The following TRIOBP variants were observed in gnomAD, a reference collection of about 807,000 sequenced individuals.
TRIOBP encodes the protein TRIO and F-actin binding protein.
TRIOBP carries 169 observed loss-of-function variants against 238.8 expected under a neutral mutation model. The observed-to-expected ratio is 0.71, with a 90% CI of 0.62 to 0.80. The LOEUF (loss-of-function observed/expected upper bound fraction) is 0.80. Ranked by LOEUF, TRIOBP falls within the 30% of genes least tolerant of loss-of-function variation. TRIOBP has a pLI of 0.00. For missense variants in TRIOBP, 2,838 were observed against 3,122.6 expected (o/e 0.91, Z 2.17); for synonymous variants, 1,150 against 1,274.4 (o/e 0.90, Z 2.08).
At chr22:37,717,099 G>A (rs1208364868) in intron 6 of TRIOBP, among the ~76,000 whole-genome samples, 1 of 152,186 alleles carries the variant, frequency 6.6e-6, no homozygotes. Flanking sequence ...TGTGTTTGGA[G>A]TTTCTTCCTT....
intron 19 of TRIOBP, 30 bp from the exon 20 acceptor site, chr22:37,768,998 A>T: frequency 1.2e-6 from 2 of 1,612,730 alleles, no homozygotes; most frequent in Non-Finnish European, 1.7e-6. Context: ...AAGACAACCT[A>T]TGCTCTCCTC....
chr22:37,734,984 G>A lies in TRIOBP; in HGVS notation c.4648G>A (p.Gly1550Ser), dbSNP rs757499492. 7 of 1,613,226 alleles carry A rather than the reference G, an allele frequency of 4.3e-6. No homozygotes were observed. In the South Asian group the frequency reaches 6.6e-5, roughly 15 times the overall value. Residue 1550 changes from glycine (G) to serine (S), a missense_variant, in exon 9 of 24, where the codon GGC (glycine) becomes AGC (serine). Physicochemically the swap from Gly to Ser is moderately conservative, Grantham distance 56. This residue lies in a region of TRIOBP where 2,096 missense variants were observed against 2,137.4 expected (regional missense o/e 0.98). Transcript: ENST00000644935. ...AGAGGGAGCGTGTCCATACCCGCGT[G>A]GCTCTGAGAGGCGACCCGAGCTTGA... ...GAEGACPYPR[G>S]SERRPELDWR...
In TRIOBP at chr22:37,735,164, G is replaced by T; in HGVS notation, c.4828G>T (p.Gly1610Trp). The change falls in exon 9 of 24, where the codon GGG becomes TGG. Residue 1610 changes from glycine (G) to tryptophan (W), a missense_variant. Coordinates refer to ENST00000644935, the MANE Select transcript of TRIOBP (RefSeq NM_001039141.3). ...CAGGGATGACCTGGCCAGGGCTTTA[G>T]GGCCAGAGCTGGGTCCCCCAGGCAC... is the stretch of plus-strand genomic sequence containing the variant. ...GHRDDLARAL[G>W]PELGPPGTND... The T allele has an allele frequency of 1.2e-6, 2 of 1,609,772 alleles. No individual in the cohort carries two copies. The highest frequency in any genetic ancestry group is 8.5e-7 in the Non-Finnish European group (1 of 1,177,256).
In TRIOBP at chr22:37,738,667, C is replaced by T; in HGVS notation, c.5132C>T (p.Ser1711Leu). ...LQFQPEEPEESEPSRGQDPLT... is the reference protein window; with the variant it reads ...LQFQPEEPEELEPSRGQDPLT... Reference sequence around the variant, plus strand: ...TTCCAACCAGAGGAGCCTGAGGAGTCAGAACCAAGCAGAGGCCAAGACCCC... The same window carrying T: ...TTCCAACCAGAGGAGCCTGAGGAGTTAGAACCAAGCAGAGGCCAAGACCCC... Residue 1711 changes from serine to leucine, a missense_variant, in exon 10 of 24, where the codon TCA becomes TTA. Ser to Leu is a moderately radical substitution (Grantham distance 145, BLOSUM62 -2). Coordinates refer to ENST00000644935, the MANE Select transcript of TRIOBP (RefSeq NM_001039141.3). 6.2e-7 allele frequency: 1 copy of T among 1,613,820 alleles called. No homozygotes were observed. The highest frequency in any genetic ancestry group is 8.5e-7 in the Non-Finnish European group (1 of 1,179,944).
intron 9 of TRIOBP, among the ~76,000 whole-genome samples, chr22:37,737,155 C>T (rs1439252848): frequency 6.6e-6 from 1 of 152,102 alleles, no homozygotes; most frequent in Non-Finnish European, 1.5e-5. Context: ...TGCTGTGTCC[C>T]GGGGCATGCT....
Position 37,725,565 on chromosome 22 carries a change from C to A in TRIOBP, c.3009C>A (p.Pro1003=), listed in dbSNP as rs371468152. The A allele has an allele frequency of 6.2e-7, 1 of 1,613,698 alleles. No homozygotes were observed. Among genetic ancestry groups the A allele is most frequent in the Non-Finnish European group, 8.5e-7 (1 of 1,180,018 alleles). The change falls in exon 7 of 24, where the codon CCC becomes CCA. Residue 1003 remains proline (P), a synonymous_variant. Transcript: ENST00000644935. ...SPVYPAAYGA[P]LTSPEPSQPP... The stretch of plus-strand genomic sequence containing the variant: ...TGTACCCCGCTGCCTATGGGGCTCC[C>A]CTGACCTCTCCTGAGCCCTCCCAGC...
At position 37,735,425 on chromosome 22, in the gene TRIOBP, A is replaced by G. The variant is rs781064216; in HGVS notation, c.5089A>G (p.Ser1697Gly). ...LGSRSTAKGP[S>G]LPELQFQPEE... ...GAGCAGGAGCACTGCGAAGGGCCCCAGCTTGCCAGAGCTGCAGGTAAGGAG... is the reference window on the plus strand; with the variant it reads ...GAGCAGGAGCACTGCGAAGGGCCCCGGCTTGCCAGAGCTGCAGGTAAGGAG... Residue 1697 changes from serine (S) to glycine (G), a missense_variant, in exon 9 of 24, where the codon AGC becomes GGC. By Grantham distance (56) the Ser-to-Gly change is moderately conservative (BLOSUM62 0). Coordinates refer to ENST00000644935, the MANE Select transcript of TRIOBP (RefSeq NM_001039141.3). 2.2e-5 allele frequency: 34 copies of G among 1,568,260 alleles called. 1 individual carries two copies. In the South Asian group the frequency reaches 3.9e-4, roughly 18 times the overall value.
At chr22:37,726,695 G>A in intron 7 of TRIOBP, 192 bp downstream of exon 7, 2 of 611,028 alleles carry the variant, frequency 3.3e-6, no homozygotes, top group East Asian at 3.2e-5. Context: ...GTGTGTGTGT[G>A]TGGTTAAGTG....
In TRIOBP at chr22:37,713,394, A is replaced by T. The variant is rs1359337943; in HGVS notation, c.439A>T (p.Ser147Cys). 2 of 1,613,332 alleles carry T rather than the reference A, an allele frequency of 1.2e-6. No individual in the cohort carries two copies. Among genetic ancestry groups the T allele is most frequent in the African/African-American group, 2.7e-5 (2 of 74,922 alleles). The change falls in exon 5 of 24, where the codon AGC (serine) becomes TGC (cysteine). Residue 147 changes from serine to cysteine, a missense_variant. Ser to Cys is a moderately radical substitution (Grantham distance 112, BLOSUM62 -1). Transcript: ENST00000644935. ...SPDSATPDDT[S>C]NSSSVDWDTV... is the part of the protein sequence containing the mutation. ...TGACTCCGCCACCCCTGATGATACC[A>T]GCAACTCGTCCTCTGTGGTGAGCCA...
chr22:37,713,140 G>A (rs1475153765), intron 4 of TRIOBP, 70 bp from the exon 5 acceptor site: 3 of 1,394,008 alleles, frequency 2.2e-6, no homozygotes, highest in African/African-American at 1.4e-5. Flanking sequence ...GTGAGTGAGT[G>A]CATATGCCTG....
intron 11 of TRIOBP, among the ~76,000 whole-genome samples, chr22:37,747,264 C>G (rs928870155): frequency 6.6e-6 from 1 of 152,222 alleles, no homozygotes; most frequent in Non-Finnish European, 1.5e-5. Flanking sequence ...TAGCTCCTTT[C>G]CCTGTCCTTC....
chr22:37,750,955 T>C (rs1453427616), intron 11 of TRIOBP: 3 of 366,108 alleles, frequency 8.2e-6, no homozygotes, highest in Non-Finnish European at 1.7e-5. Flanking sequence ...GGCCACCTCC[T>C]CCCTGCCGGC....
At chr22:37,772,878 C>T (rs1926854051) in intron 23 of TRIOBP, 114 bp downstream of exon 23, 10 of 1,330,780 alleles carry the variant, frequency 7.5e-6, no homozygotes, top group East Asian at 4.7e-5. Context: ...CTCCAATTCC[C>T]GTTCTGTAAA....
rs977806634 is a variant in TRIOBP at position 37,721,415 on chromosome 22, CAG to C, written c.629-1769_629-1768del. Reference sequence around the variant, plus strand: ...AGGCAGTGGCTGCAAAGGGAGAGGACAGGGGATCTTAAGAAGGCGTGAAGGGA... The same window carrying C: ...AGGCAGTGGCTGCAAAGGGAGAGGACGGGATCTTAAGAAGGCGTGAAGGGA... On this transcript the variant is annotated intron_variant, in intron 6 of 23. Transcript: ENST00000644935. 1.3e-3 allele frequency among the ~76,000 whole-genome samples: 195 copies of C among 152,298 alleles called. 1 individual carries two copies. The highest frequency in any genetic ancestry group is 4.4e-3 in the African/African-American group (183 of 41,572).
At chr22:37,732,857 T>C (rs909174946) in intron 7 of TRIOBP, among the ~76,000 whole-genome samples, 1 of 152,266 alleles carries the variant, frequency 6.6e-6, no homozygotes, top group African/African-American at 2.4e-5. Flanking sequence ...TGCTTTGTCA[T>C]AATGATTATG....
Position 37,757,799 on chromosome 22 carries a change from G to GGCCCGCACCCCA in TRIOBP, c.5883_5894dup (p.Ala1963_Pro1966dup), listed in dbSNP as rs1569057949. The GGCCCGCACCCCA allele has an allele frequency of 6.5e-7, 1 of 1,547,918 alleles. No individual in the cohort carries two copies. The highest frequency in any genetic ancestry group is 1.2e-5 in the South Asian group (1 of 84,114). On this transcript the variant is annotated inframe_insertion, in exon 16 of 24. Coordinates refer to ENST00000644935, the MANE Select transcript of TRIOBP (RefSeq NM_001039141.3). ...CGCTGACCCAGGCTTCCCCGCAGCG[G>GGCCCGCACCCCA]GCCCGCACCCCAGCCCGCACTCCTG... is the stretch of plus-strand genomic sequence containing the variant.
chr22:37,710,784 C>G (rs919794042), intron 4 of TRIOBP, among the ~76,000 whole-genome samples: 1 of 152,182 alleles, frequency 6.6e-6, no homozygotes, highest in Non-Finnish European at 1.5e-5. Flanking sequence ...ACTTCAGTGG[C>G]TGAGCCTCCC....
At chr22:37,770,467 T>TA (rs1014730201) in intron 21 of TRIOBP, among the ~76,000 whole-genome samples, 24 of 138,662 alleles carry the variant, frequency 1.7e-4, no homozygotes, top group East Asian at 1.1e-3. Flanking sequence ...AAAAAAATAT[T>TA]AAAAAAAAAA....
rs766276776 is a variant in TRIOBP, at chr22:37,771,706, C to T, written c.6906C>T (p.Cys2302=). Residue 2302 remains cysteine, a synonymous_variant, in exon 22 of 24, where the codon TGC becomes TGT. Transcript: ENST00000644935. The part of the protein sequence containing the change: ...ELQYLKKEVQ[C]LRDELQMMQK... ...AGTACCTAAAGAAGGAGGTGCAGTG[C>T]CTCCGGGACGAGCTCCAGATGATGC... 1 of 1,614,162 alleles carries T rather than the reference C, an allele frequency of 6.2e-7. No individual in the cohort carries two copies. Among genetic ancestry groups the T allele is most frequent in the African/African-American group, 1.3e-5 (1 of 75,050 alleles).
Sources: gnomAD v4.1 joint callset for allele counts (sites outside exome capture counted in the v4.1 genomes callset) on GRCh38, gnomAD v4.1.1 for gene constraint, gnomAD v4.1.1 regional missense constraint, MANE v1.5 for transcripts, NCBI Gene and HGNC (gene_info 2026-07-23, HGNC 2026-07-21) for gene names.